The following TYW1B variants were observed in gnomAD, a reference collection of about 807,000 sequenced individuals.
TYW1B encodes the protein tRNA-yW synthesizing protein 1 homolog B.
Under a neutral mutation model 86.9 loss-of-function variants are expected in TYW1B, and 73 were observed. The observed-to-expected ratio is 0.84, with a 90% CI of 0.70 to 1.02. TYW1B has a LOEUF of 1.02. Ranked by LOEUF, TYW1B falls within the 50% of genes least tolerant of loss-of-function variation. TYW1B has a pLI of 0.00. For synonymous variants in TYW1B, 248 were observed against 292.8 expected (o/e 0.85, Z 1.56); for missense variants, 637 against 827.4 (o/e 0.77, Z 2.82).
At chr7:72,634,968 A>T (rs1291392323) in intron 11 of TYW1B, among the ~76,000 whole-genome samples, 4 of 152,190 alleles carry the variant, frequency 2.6e-5, no homozygotes, top group Admixed American at 1.3e-4. Flanking sequence ...ATCAATAAGA[A>T]TTCCTAACTT....
intron 11 of TYW1B, 93 bp from the exon 12 acceptor site, chr7:72,629,090 C>A (rs2298399): frequency 0.16 from 200,398 of 1,254,940 alleles, 18,045 homozygotes; most frequent in East Asian, 0.54. Context: ...CCCAGAGAAC[C>A]CAGGGCAGGC....
intron 10 of TYW1B, among the ~76,000 whole-genome samples, chr7:72,703,015 TATATATATA>T (rs1449055894): frequency 0.21 from 9,958 of 47,654 alleles, 895 homozygotes; most frequent in Admixed American, 0.23. Context: ...TATATATATA[TATATATATA>T]TATTTTTTTT....
In TYW1B at chr7:72,712,978, C is replaced by T. The variant is rs114408282; in HGVS notation, c.1370+643G>A. Among the ~76,000 whole-genome samples, 1,019 of 152,134 alleles carry T rather than the reference C, an allele frequency of 6.7e-3. 13 individuals carry two copies. Among genetic ancestry groups the T allele is most frequent in the African/African-American group, 0.021 (878 of 41,512 alleles). On this transcript the variant is annotated intron_variant, in intron 10 of 13. Coordinates refer to ENST00000620995, the MANE Select transcript of TYW1B (RefSeq NM_001145440.3). Reference sequence around the variant, plus strand: ...TATTAACAACAATATAGTTTTCAACCTTCTCAAGTACCAATCCCAGACATA... The same window carrying T: ...TATTAACAACAATATAGTTTTCAACTTTCTCAAGTACCAATCCCAGACATA...
Position 72,733,281 on chromosome 7 carries a change from G to A in TYW1B, c.1083-4350C>T, listed in dbSNP as rs1265565961. 1.8e-4 allele frequency among the ~76,000 whole-genome samples: 28 copies of A among 151,978 alleles called. 1 individual carries two copies. Among genetic ancestry groups the A allele is most frequent in the Admixed American group, 1.8e-3 (27 of 15,240 alleles). The stretch of plus-strand genomic sequence containing the variant: ...AGAAACTCAGTATTATACGAGGCCA[G>A]TATTACCCTGAAAACAAAACAGGAC... On this transcript the variant is annotated intron_variant, in intron 8 of 13. Transcript: ENST00000620995.
intron 11 of TYW1B, among the ~76,000 whole-genome samples, chr7:72,648,467 C>T (rs1478867675): frequency 6.6e-6 from 1 of 150,950 alleles, no homozygotes; most frequent in African/African-American, 2.4e-5. Flanking sequence ...CACTTGAACC[C>T]AGGAGGCGGA....
intron 2 of TYW1B, among the ~76,000 whole-genome samples, chr7:72,822,139 G>C (rs1233581963): frequency 7.0e-6 from 1 of 143,208 alleles, no homozygotes; most frequent in East Asian, 2.0e-4. Flanking sequence ...CTCCAGCCTG[G>C]GTGACAGAGT....
intron 6 of TYW1B, among the ~76,000 whole-genome samples, chr7:72,797,002 T>A (rs1458328543): frequency 1.3e-5 from 2 of 151,674 alleles, no homozygotes; most frequent in Admixed American, 6.6e-5. Flanking sequence ...AGATGGGGTT[T>A]CATCGTGTTG....
At chr7:72,678,440 GGCAAACA>G (rs1168203591) in intron 11 of TYW1B, among the ~76,000 whole-genome samples, 3 of 152,116 alleles carry the variant, frequency 2.0e-5, no homozygotes, top group Non-Finnish European at 4.4e-5. Context: ...TCTAGACAAA[GGCAAACA>G]GCCAATGGAG....
intron 13 of TYW1B, among the ~76,000 whole-genome samples, chr7:72,606,637 A>G (rs1486697114): frequency 1.3e-5 from 2 of 151,580 alleles, no homozygotes; most frequent in African/African-American, 2.4e-5. Context: ...CTATAATGTC[A>G]GTGGAGTCTA....
chr7:72,769,495 G>T (rs1554469136), intron 7 of TYW1B, among the ~76,000 whole-genome samples: 1 of 152,066 alleles, frequency 6.6e-6, no homozygotes, highest in African/African-American at 2.4e-5. Context: ...CCTTGTGGTT[G>T]GCAGAATTCC....
intron 6 of TYW1B, among the ~76,000 whole-genome samples, chr7:72,787,634 G>C (rs1205751980): frequency 6.6e-6 from 1 of 151,600 alleles, no homozygotes; most frequent in African/African-American, 2.4e-5. Flanking sequence ...AGCTGGTCGT[G>C]GTGGCGCGTA....
Position 72,574,859 on chromosome 7 carries a change from G to A in TYW1B, c.*639C>T, listed in dbSNP as rs1585817838. The stretch of plus-strand genomic sequence containing the variant: ...CGCTCCAGCCCCGGTACTGCGGTCT[G>A]TGGTAATTTACATGGGAATGGGATG... On this transcript the variant is annotated 3_prime_UTR_variant, in exon 14 of 14. Coordinates refer to ENST00000620995, the MANE Select transcript of TYW1B (RefSeq NM_001145440.3). 4.1e-6 allele frequency: 4 copies of A among 985,636 alleles called. No homozygotes were observed. In the East Asian group the frequency reaches 3.4e-4, roughly 84 times the overall value. The allele number at this position is 985,636 out of a possible 1,614,324, so 61.1% of individuals were successfully genotyped here.
intron 5 of TYW1B, 135 bp downstream of exon 5, chr7:72,806,931 G>C: frequency 7.9e-7 from 1 of 1,262,684 alleles, no homozygotes; most frequent in Non-Finnish European, 1.1e-6. Flanking sequence ...GGGATTACAA[G>C]TGCGAGCCAC....
At chr7:72,651,765 G>A (rs1483438188) in intron 11 of TYW1B, among the ~76,000 whole-genome samples, 1 of 151,652 alleles carries the variant, frequency 6.6e-6, no homozygotes, top group Non-Finnish European at 1.5e-5. Flanking sequence ...AACTGGCAAG[G>A]AACCAAAACA....
At chr7:72,622,697 AAC>A (rs1247827094) in intron 12 of TYW1B, among the ~76,000 whole-genome samples, 11 of 148,868 alleles carry the variant, frequency 7.4e-5, no homozygotes, top group African/African-American at 2.8e-4. Context: ...ACATGCACAC[AAC>A]ACACACATGC....
chr7:72,778,598 C>A (rs1787997516), intron 6 of TYW1B, among the ~76,000 whole-genome samples: 1 of 152,176 alleles, frequency 6.6e-6, no homozygotes, highest in Admixed American at 6.5e-5. Context: ...TACAGGCGTG[C>A]ACCACCATGC....
intron 11 of TYW1B, among the ~76,000 whole-genome samples, chr7:72,668,802 C>T (rs185257639): frequency 2.0e-4 from 31 of 152,296 alleles, no homozygotes; most frequent in African/African-American, 7.2e-4. Flanking sequence ...CATTAAATAA[C>T]GCTAGGTTTT....
chr7:72,743,201 G>A (rs1554462792), intron 8 of TYW1B, among the ~76,000 whole-genome samples: 1 of 152,172 alleles, frequency 6.6e-6, no homozygotes, highest in African/African-American at 2.4e-5. Context: ...GGTAAATGAA[G>A]CCACGGAAAT....
chr7:72,612,326 T>G (rs1365532610), intron 13 of TYW1B, among the ~76,000 whole-genome samples: 2 of 152,224 alleles, frequency 1.3e-5, no homozygotes, highest in East Asian at 3.9e-4. Context: ...GATAAATAAA[T>G]ATATAAATGG....
Sources: gnomAD v4.1 joint callset for allele counts (sites outside exome capture counted in the v4.1 genomes callset) on GRCh38, gnomAD v4.1.1 for gene constraint, MANE v1.5 for transcripts, NCBI Gene and HGNC (gene_info 2026-07-23, HGNC 2026-07-21) for gene names.